RIIAD1: variants seen among roughly 807,000 people sequenced by gnomAD.
The protein encoded by RIIAD1 is RIIa domain-containing protein 1.
Under a neutral mutation model 13.3 loss-of-function variants are expected in RIIAD1, and 15 were observed. The observed-to-expected ratio is 1.13, with a 90% CI of 0.76 to 1.74. The LOEUF is 1.74. RIIAD1 is among the 40% of genes most tolerant of loss of function. The pLI is 0.00. For synonymous variants in RIIAD1, 50 were observed against 43.3 expected (o/e 1.16, Z -0.61); for missense variants, 121 against 112.2 (o/e 1.08, Z -0.35).
chr1:151,724,980 T>G (rs1293155542), intron 2 of RIIAD1, among the ~76,000 whole-genome samples: 2 of 152,018 alleles, frequency 1.3e-5, no homozygotes, highest in African/African-American at 4.8e-5. Context: ...TTTTGCATTT[T>G]TTTTTTTTTA....
chr1:151,717,823 C>T (rs1673599693), upstream of RIIAD1, among the ~76,000 whole-genome samples: 1 of 152,184 alleles, frequency 6.6e-6, no homozygotes, highest in Non-Finnish European at 1.5e-5. Flanking sequence ...ACCATTGCTC[C>T]CCTGACCATG....
At chr1:151,714,660 T>C (rs1205181077) in intron 4 of RIIAD1, 2 of 1,560,096 alleles carry the variant, frequency 1.3e-6, no homozygotes, top group Non-Finnish European at 1.7e-6. Context: ...GGGCACAGTA[T>C]GTCAGGAAGG....
chr1:151,723,392 C>T (rs551114466), intron 2 of RIIAD1, among the ~76,000 whole-genome samples: 1 of 149,074 alleles, frequency 6.7e-6, no homozygotes, highest in South Asian at 2.1e-4. Flanking sequence ...AAAACTCCAT[C>T]GCAAACAAAC....
In RIIAD1 at chr1:151,728,635, A is replaced by G. The variant is rs111646251; in HGVS notation, c.209-131A>G. The G allele has an allele frequency of 4.0e-3, 2,647 of 664,716 alleles. 14 individuals are homozygous for G. The highest frequency in any genetic ancestry group is 5.1e-3 in the Non-Finnish European group (1,868 of 366,120). 41.2% of individuals were successfully genotyped at this position (664,716 alleles called of 1,614,324 possible). A position where few individuals can be genotyped will look rare whatever the true frequency, so the allele number is the denominator to read the frequency against. On this transcript the variant is annotated intron_variant, in intron 3 of 4. Coordinates refer to ENST00000479191, the MANE Select transcript of RIIAD1 (RefSeq NM_001144956.3). ...ATTTTACCATATTACATTGTAAAGC[A>G]GGGCCACCAGTAGTAGCAGTCCTGC...
chr1:151,718,175 A>C (rs565779672), upstream of RIIAD1, among the ~76,000 whole-genome samples: 1 of 152,294 alleles, frequency 6.6e-6, no homozygotes, highest in South Asian at 2.1e-4. Context: ...CTCTTCTGGA[A>C]GGGAAATAAT....
intron 4 of RIIAD1, among the ~76,000 whole-genome samples, chr1:151,715,221 G>A (rs985777904): frequency 6.6e-6 from 1 of 151,952 alleles, no homozygotes; most frequent in Admixed American, 6.5e-5. Flanking sequence ...TGGGATCCCC[G>A]GTGTGTGGAG....
chr1:151,718,752 G>A (rs527482554), upstream of RIIAD1, among the ~76,000 whole-genome samples: 1 of 152,214 alleles, frequency 6.6e-6, no homozygotes, highest in Non-Finnish European at 1.5e-5. Flanking sequence ...GTGCTCAGAA[G>A]AAGCGAATGA....
chr1:151,716,676 T>TC, upstream of RIIAD1: 4 of 43,980 alleles, frequency 9.1e-5, no homozygotes, highest in South Asian at 2.3e-4. Flanking sequence ...TCAGCCCCCC[T>TC]CCCACCCCCA....
intron 4 of RIIAD1, chr1:151,715,554 A>T: frequency 8.0e-7 from 1 of 1,252,104 alleles, no homozygotes; most frequent in Non-Finnish European, 1.1e-6. Context: ...CCAGCTGCTT[A>T]TCTCCCAAAC....
intron 2 of RIIAD1, among the ~76,000 whole-genome samples, chr1:151,726,702 T>C (rs2101514695): frequency 6.6e-6 from 1 of 152,366 alleles, no homozygotes; most frequent in African/African-American, 2.4e-5. Flanking sequence ...AGACAATATT[T>C]GTGAACATAC....
intron 4 of RIIAD1, chr1:151,714,693 G>A: frequency 6.5e-7 from 1 of 1,542,856 alleles, no homozygotes. Flanking sequence ...AGGGGCAGGG[G>A]CAGAGAAACA....
In RIIAD1 at chr1:151,728,883, C is replaced by T. The variant is rs1571951056; in HGVS notation, c.*47C>T. On this transcript the variant is annotated 3_prime_UTR_variant, in exon 4 of 5. Transcript: ENST00000479191. ...GCTGTTGGGAGAGACCAGACGGAAT[C>T]CAGCCTCGGGGTGGGTGTTAACCTC... 23 of 1,106,816 alleles carry T rather than the reference C, an allele frequency of 2.1e-5. No homozygotes were observed. The East Asian group carries it at 5.6e-4, about 27-fold the overall frequency. The allele number at this position is 1,106,816 out of a possible 1,614,324, so 68.6% of individuals were successfully genotyped here.
At chr1:151,723,767 C>T (rs1673780954) in intron 2 of RIIAD1, among the ~76,000 whole-genome samples, 1 of 152,150 alleles carries the variant, frequency 6.6e-6, no homozygotes, top group Non-Finnish European at 1.5e-5. Context: ...AACAAATTCT[C>T]AGAGGGCAGA....
intron 3 of RIIAD1, 67 bp from the exon 4 acceptor site, chr1:151,728,697 GTC>G: frequency 1.1e-6 from 1 of 931,896 alleles, no homozygotes; most frequent in Non-Finnish European, 1.7e-6. Context: ...GGAGTAAGCT[GTC>G]TCCTTCCATG....
intron 1 of RIIAD1, 145 bp from the exon 2 acceptor site, chr1:151,721,941 G>C (rs1228108924): frequency 9.4e-6 from 6 of 641,510 alleles, no homozygotes; most frequent in Non-Finnish European, 1.7e-5. Flanking sequence ...TTATCTGTAA[G>C]AAGATGGGTG....
upstream of RIIAD1, chr1:151,721,463 G>T (rs1673732870): frequency 3.2e-6 from 3 of 926,598 alleles, no homozygotes; most frequent in Non-Finnish European, 4.4e-6. Flanking sequence ...GAAGGGGCCG[G>T]GCTTGGGGGC....
chr1:151,712,491 C>T (rs745506628), intron 2 of RIIAD1, among the ~76,000 whole-genome samples: 22 of 152,184 alleles, frequency 1.4e-4, no homozygotes, highest in Non-Finnish European at 2.9e-4. Flanking sequence ...GACTGCAGAC[C>T]GACAGGGAAG....
chr1:151,721,544 C>G lies in RIIAD1; in HGVS notation c.8C>G (p.Thr3Arg). The G allele has an allele frequency of 7.6e-7, 1 of 1,323,672 alleles. No individual in the cohort carries two copies. The highest frequency in any genetic ancestry group is 1.9e-5 in the South Asian group (1 of 52,542). 82.0% of individuals were successfully genotyped at this position (1,323,672 alleles called of 1,614,324 possible). Reference protein sequence around the residue: METLPGLLQRPDP... With the variant: MERLPGLLQRPDP... The stretch of plus-strand genomic sequence containing the variant: ...CTTGACGACCGCAGCAAGATGGAGA[C>G]GCTGCCAGGCTTGCTGCAGCGGCCC... Residue 3 changes from threonine (T) to arginine (R), a missense_variant, in exon 1 of 5, where the codon ACG becomes AGG. Coordinates refer to ENST00000479191, the MANE Select transcript of RIIAD1 (RefSeq NM_001144956.3).
intron 1 of RIIAD1, 113 bp from the exon 2 acceptor site, chr1:151,721,973 G>A: frequency 1.4e-6 from 1 of 727,794 alleles, no homozygotes; most frequent in Non-Finnish European, 2.4e-6. Flanking sequence ...CAAGCATCCT[G>A]GGGAAAGACT....
Sources: gnomAD v4.1 joint callset for allele counts (sites outside exome capture counted in the v4.1 genomes callset) on GRCh38, gnomAD v4.1.1 for gene constraint, MANE v1.5 for transcripts, NCBI Gene and HGNC (gene_info 2026-07-23, HGNC 2026-07-21) for gene names.